ACBD6: variants seen among roughly 807,000 people sequenced by gnomAD.
ACBD6 encodes the protein acyl-CoA-binding domain-containing protein 6.
Under a neutral mutation model 37.2 loss-of-function variants are expected in ACBD6, and 28 were observed. That is an observed-to-expected ratio of 0.75 (90% CI 0.56 to 1.03). The LOEUF (loss-of-function observed/expected upper bound fraction) is 1.03. Ranked by LOEUF, ACBD6 falls within the 50% of genes least tolerant of loss-of-function variation. The pLI is 0.00. For missense variants in ACBD6, 340 were observed against 337.4 expected (o/e 1.01, Z -0.06); for synonymous variants, 113 against 126.8 (o/e 0.89, Z 0.73).
At chr1:180,423,697 C>A (rs1317095556) in intron 4 of ACBD6, among the ~76,000 whole-genome samples, 1 of 152,150 alleles carries the variant, frequency 6.6e-6, no homozygotes, top group East Asian at 1.9e-4. Flanking sequence ...ACACCATTTA[C>A]TAAAAATGTA....
chr1:180,271,160 G>A (rs1648629548), exon 14 of ACBD6: 1 of 616,606 alleles, frequency 1.6e-6, no homozygotes, highest in Non-Finnish European at 2.9e-6. Flanking sequence ...AGCAGAGAAA[G>A]GACTGCTGTC....
intron 6 of ACBD6, among the ~76,000 whole-genome samples, chr1:180,357,252 C>T (rs563485410): frequency 6.6e-6 from 1 of 152,252 alleles, no homozygotes; most frequent in East Asian, 1.9e-4. Flanking sequence ...AGCTATATTT[C>T]GTGGATAAGG....
At chr1:180,299,271 G>A (rs1380791736) in intron 7 of ACBD6, among the ~76,000 whole-genome samples, 1 of 152,186 alleles carries the variant, frequency 6.6e-6, no homozygotes, top group Non-Finnish European at 1.5e-5. Flanking sequence ...CAAAGAATAT[G>A]AGAGAAAAAT....
At chr1:180,477,080 T>C (rs988175707) in intron 3 of ACBD6, among the ~76,000 whole-genome samples, 19 of 152,270 alleles carry the variant, frequency 1.2e-4, no homozygotes, top group African/African-American at 4.6e-4. Context: ...CAGAGCCCTA[T>C]ATACACTATG....
At chr1:180,446,162 C>T (rs116704644) in intron 3 of ACBD6, among the ~76,000 whole-genome samples, 2,126 of 150,608 alleles carry the variant, frequency 0.014, 64 homozygotes, top group African/African-American at 0.049. Context: ...ACCATCACGC[C>T]GGGATAATTT....
At chr1:180,487,325 G>A (rs1396768378) in intron 3 of ACBD6, among the ~76,000 whole-genome samples, 4 of 150,444 alleles carry the variant, frequency 2.7e-5, no homozygotes, top group Non-Finnish European at 5.9e-5. Context: ...AATATTAAAT[G>A]GAAAATTCGA....
At chr1:180,316,266 A>C (rs1263809989) in intron 6 of ACBD6, among the ~76,000 whole-genome samples, 2 of 152,044 alleles carry the variant, frequency 1.3e-5, no homozygotes, top group Non-Finnish European at 2.9e-5. Context: ...ATTATGGCTT[A>C]AGACTCATAT....
At chr1:180,289,341 T>A (rs114099959) in intron 7 of ACBD6, among the ~76,000 whole-genome samples, 2,657 of 152,088 alleles carry the variant, frequency 0.017, 38 homozygotes, top group Non-Finnish European at 0.025. Flanking sequence ...TAAATGGCAA[T>A]AAACATATAA....
chr1:180,444,466 A>G (rs1230190579), intron 3 of ACBD6, among the ~76,000 whole-genome samples: 10 of 152,218 alleles, frequency 6.6e-5, no homozygotes, highest in Non-Finnish European at 2.9e-5. Flanking sequence ...GTGGGGAAAT[A>G]AAAAGATTAT....
intron 3 of ACBD6, among the ~76,000 whole-genome samples, chr1:180,476,079 C>CA (rs773020902): frequency 1.9e-4 from 29 of 152,298 alleles, no homozygotes; most frequent in Middle Eastern, 3.4e-3. Flanking sequence ...AAACAACTAT[C>CA]ACATACCAAA....
chr1:180,489,437 C>G (rs1320137060), intron 3 of ACBD6, among the ~76,000 whole-genome samples: 1 of 150,506 alleles, frequency 6.6e-6, no homozygotes, highest in African/African-American at 2.4e-5. Context: ...AACTGGATTC[C>G]AATGTTAAAA....
At chr1:180,337,389 C>A (rs1651777619) in intron 6 of ACBD6, among the ~76,000 whole-genome samples, 3 of 152,010 alleles carry the variant, frequency 2.0e-5, no homozygotes, top group Admixed American at 2.0e-4. Flanking sequence ...ATAAACAGAA[C>A]CAATGACAAA....
intron 6 of ACBD6, among the ~76,000 whole-genome samples, chr1:180,351,496 T>C (rs1652417346): frequency 6.6e-6 from 1 of 152,004 alleles, no homozygotes; most frequent in East Asian, 1.9e-4. Context: ...CATGATGGTC[T>C]CGATCTGACC....
chr1:180,353,933 G>A, intron 6 of ACBD6, among the ~76,000 whole-genome samples: 1 of 152,164 alleles, frequency 6.6e-6, no homozygotes, highest in East Asian at 1.9e-4. Context: ...ACTTTTGTGA[G>A]CTAAAGTTAA....
In ACBD6 at chr1:180,495,478, A is replaced by G. The variant is rs748601454; in HGVS notation, c.270T>C (p.Phe90=). ...CNTPKPSFFD[F]EGKQKWEAWK... ...TTTCTTACCATTTTTGCTTTCCTTC[A>G]AAATCAAAGAAGCTTGGTTTAGGAG... Residue 90 remains phenylalanine (F), a synonymous_variant, in exon 2 of 8, where the codon TTT becomes TTC. Transcript: ENST00000367595. 2 of 1,605,536 alleles carry G rather than the reference A, an allele frequency of 1.2e-6. No individual in the cohort carries two copies. The highest frequency in any genetic ancestry group is 2.7e-5 in the African/African-American group (2 of 74,474).
intron 9 of ACBD6, chr1:180,278,841 A>G (rs1240212356): frequency 6.6e-6 from 1 of 152,062 alleles, no homozygotes; most frequent in Admixed American, 6.6e-5. Context: ...AAAAAAAGAA[A>G]AAAAAAAGAC....
At chr1:180,500,822 C>A (rs1228811643) in intron 1 of ACBD6, among the ~76,000 whole-genome samples, 1 of 123,838 alleles carries the variant, frequency 8.1e-6, no homozygotes, top group Non-Finnish European at 1.7e-5. Flanking sequence ...GAAACCCAGA[C>A]CCTCTGTAAA....
At chr1:180,383,038 T>C (rs561038827) in intron 6 of ACBD6, among the ~76,000 whole-genome samples, 2 of 152,246 alleles carry the variant, frequency 1.3e-5, no homozygotes, top group East Asian at 1.9e-4. Flanking sequence ...AGATGGAACA[T>C]ACCTCAACAT....
intron 5 of ACBD6, among the ~76,000 whole-genome samples, chr1:180,407,413 CA>C (rs1210009785): frequency 6.6e-6 from 1 of 152,210 alleles, no homozygotes; most frequent in Non-Finnish European, 1.5e-5. Flanking sequence ...CTTGTCTTTA[CA>C]CACACAAAAT....
Sources: gnomAD v4.1 joint callset for allele counts (sites outside exome capture counted in the v4.1 genomes callset) on GRCh38, gnomAD v4.1.1 for gene constraint, MANE v1.5 for transcripts, NCBI Gene and HGNC (gene_info 2026-07-23, HGNC 2026-07-21) for gene names.